Variants in STEAP4 observed in about 807,000 individuals in gnomAD.
STEAP4 encodes the protein metalloreductase STEAP4.
In STEAP4, 36 loss-of-function variants were observed where a neutral mutation model predicts 43.6. That is an observed-to-expected ratio of 0.83 (90% CI 0.63 to 1.09). The LOEUF (loss-of-function observed/expected upper bound fraction) is 1.09. Ranked by LOEUF, STEAP4 falls within the 50% of genes least tolerant of loss-of-function variation. The pLI, the probability that STEAP4 is intolerant of heterozygous loss-of-function variation, is 0.00. For synonymous variants in STEAP4, 191 were observed against 196.7 expected, an observed-to-expected ratio of 0.97 and a Z score of 0.24; for missense variants, 495 against 546.5, an observed-to-expected ratio of 0.91 and a Z score of 0.94.
chr7:88,271,410 T>C lies in STEAP4; in HGVS notation c.*7988A>G, dbSNP rs1024751652. The C allele has an allele frequency of 6.6e-6, 1 of 152,222 alleles. No homozygotes were observed. The allele number at this position is 152,222 out of a possible 1,614,324, so 9.4% of individuals were successfully genotyped here. A position where few individuals can be genotyped will look rare whatever the true frequency, so the allele number is the denominator to read the frequency against. On this transcript the variant is annotated 3_prime_UTR_variant, in exon 5 of 5. Transcript: ENST00000380079. The stretch of plus-strand genomic sequence containing the variant: ...CACATATGCAAAAGGAATCATACTA[T>C]ATATGTTATTTTGTACCTTTTTAAA...
rs1454322119 is a variant in STEAP4, at chr7:88,282,625, A to G, written c.984+16T>C. 3.1e-6 allele frequency: 5 copies of G among 1,601,738 alleles called. No individual in the cohort carries two copies. The Admixed American group carries it at 6.8e-5, about 22-fold the overall frequency. On this transcript the variant is annotated intron_variant, in intron 3 of 4. Coordinates refer to ENST00000380079, the MANE Select transcript of STEAP4 (RefSeq NM_024636.4). ...TGATTTCAGGAGCAGAAGAAAATAT[A>G]TAAGAAGAGATTTACCTGGGTAACG...
At chr7:88,280,171 G>A (rs1250392492) in intron 4 of STEAP4, among the ~76,000 whole-genome samples, 1 of 152,268 alleles carries the variant, frequency 6.6e-6, no homozygotes, top group Non-Finnish European at 1.5e-5. Flanking sequence ...GACTGCATTT[G>A]GTCCCTGGGA....
At chr7:88,303,484 A>G (rs993268855) in intron 1 of STEAP4, among the ~76,000 whole-genome samples, 2 of 144,642 alleles carry the variant, frequency 1.4e-5, no homozygotes, top group Non-Finnish European at 3.0e-5. Flanking sequence ...TGACAGAGCG[A>G]GACTCAGTCT....
At chr7:88,298,139 G>A (rs1417018109) in intron 1 of STEAP4, 1 of 151,890 alleles carries the variant, frequency 6.6e-6, no homozygotes, top group African/African-American at 2.4e-5. Context: ...ACATAAGTTG[G>A]GGACAATCTG....
chr7:88,279,874 T>G (rs1054540442), intron 4 of STEAP4, among the ~76,000 whole-genome samples: 1 of 152,176 alleles, frequency 6.6e-6, no homozygotes, highest in Non-Finnish European at 1.5e-5. Flanking sequence ...GATGGAAAAG[T>G]TTCCCAGGAG....
intron 1 of STEAP4, among the ~76,000 whole-genome samples, chr7:88,287,335 T>C (rs1852753720): frequency 6.6e-6 from 1 of 152,132 alleles, no homozygotes; most frequent in East Asian, 1.9e-4. Flanking sequence ...AGAGGTGGGC[T>C]ACAGAGCAGG....
intron 1 of STEAP4, among the ~76,000 whole-genome samples, chr7:88,306,166 GCCTCAGTACACCAATCTTTT>G (rs922699129): frequency 2.0e-5 from 3 of 152,180 alleles, no homozygotes; most frequent in African/African-American, 7.2e-5. Context: ...ACCGTACCCA[GCCTCAGTACACCAATCTTTT>G]AAAGAAAGTT....
rs1316106382 is a variant in STEAP4 at position 88,279,562 on chromosome 7, A to T, written c.1216T>A (p.Phe406Ile). Residue 406 changes from phenylalanine to isoleucine, a missense_variant, in exon 5 of 5, where the codon TTC (phenylalanine) becomes ATC (isoleucine). Phe to Ile is a conservative substitution (Grantham distance 21). Transcript: ENST00000380079. ...CATCTGAGATTTGAAGGGCTGAGGA[A>T]TCTCTTCCCACCGTACACCAGGGTG... ...AHTLVYGGKR[F>I]LSPSNLRWYL... The T allele has an allele frequency of 2.5e-6, 4 of 1,613,966 alleles. No individual in the cohort carries two copies. In the South Asian group the frequency reaches 3.3e-5, roughly 13 times the overall value.
At chr7:88,288,945 A>G (rs1362713685) in intron 1 of STEAP4, among the ~76,000 whole-genome samples, 1 of 152,228 alleles carries the variant, frequency 6.6e-6, no homozygotes, top group Admixed American at 6.5e-5. Flanking sequence ...GTTGTTTTTT[A>G]TACTTTTGAA....
rs564716566 is a variant in STEAP4, at chr7:88,292,859, C to T, written c.-2-8588G>A. 10 of 152,244 alleles carry T rather than the reference C, an allele frequency of 6.6e-5. No individual in the cohort carries two copies. In the South Asian group the frequency reaches 2.1e-3, roughly 32 times the overall value. The allele number at this position is 152,244 out of a possible 1,614,324, so 9.4% of individuals were successfully genotyped here. ...TACTTAAGATCCATCAATAATTCTT[C>T]CATTTTATTGCCGAGCGGTATTCTA... On this transcript the variant is annotated intron_variant, in intron 1 of 4. Coordinates refer to ENST00000380079, the MANE Select transcript of STEAP4 (RefSeq NM_024636.4).
In STEAP4 at chr7:88,291,535, C is replaced by A. The variant is rs549750607; in HGVS notation, c.-2-7264G>T. Among the ~76,000 whole-genome samples, 3 of 146,988 alleles carry A rather than the reference C, an allele frequency of 2.0e-5. No homozygotes were observed. In the South Asian group the frequency reaches 6.4e-4, roughly 32 times the overall value. On this transcript the variant is annotated intron_variant, in intron 1 of 4. Coordinates refer to ENST00000380079, the MANE Select transcript of STEAP4 (RefSeq NM_024636.4). Reference sequence around the variant, plus strand: ...AAAGAAATAGATATATGCACACTCTCAACCACAAGGGAGATCAAGTTGAGG... The same window carrying A: ...AAAGAAATAGATATATGCACACTCTAAACCACAAGGGAGATCAAGTTGAGG...
At chr7:88,286,873 GAGT>G (rs1211176245) in intron 1 of STEAP4, among the ~76,000 whole-genome samples, 1 of 151,478 alleles carries the variant, frequency 6.6e-6, no homozygotes, top group African/African-American at 2.4e-5. Context: ...CTCAAACCAA[GAGT>G]AGTCCTCCAA....
chr7:88,283,895 C>T lies in STEAP4; in HGVS notation c.375G>A (p.Val125=), dbSNP rs1233849436. ...ESNAEYLAHL[V]PGAHVVKAFN... ...ATGCTTTTACCACGTGGGCTCCTGG[C>T]ACCAAATGAGCAAGGTACTCTGCAT... The change falls in exon 2 of 5, where the codon GTG becomes GTA. Residue 125 remains valine, a synonymous_variant. Coordinates refer to ENST00000380079, the MANE Select transcript of STEAP4 (RefSeq NM_024636.4). 1 of 1,614,022 alleles carries T rather than the reference C, an allele frequency of 6.2e-7. No individual in the cohort carries two copies. The highest frequency in any genetic ancestry group is 8.5e-7 in the Non-Finnish European group (1 of 1,180,040).
chr7:88,280,240 C>A (rs1382408029), intron 4 of STEAP4, among the ~76,000 whole-genome samples: 1 of 152,310 alleles, frequency 6.6e-6, no homozygotes, highest in East Asian at 1.9e-4. Context: ...ATTTTAAAGA[C>A]TAATGCTCTT....
At position 88,272,728 on chromosome 7, in the gene STEAP4, C is replaced by T. The variant is rs1293095753; in HGVS notation, c.*6670G>A. The T allele has an allele frequency of 6.6e-6, 1 of 152,112 alleles. No individual in the cohort carries two copies. The highest frequency in any genetic ancestry group is 1.5e-5 in the Non-Finnish European group (1 of 68,048). 9.4% of individuals were successfully genotyped at this position (152,112 alleles called of 1,614,324 possible). A position where few individuals can be genotyped will look rare whatever the true frequency, so the allele number is the denominator to read the frequency against. The stretch of plus-strand genomic sequence containing the variant: ...AAAAAATGAAACAAAAATTACTGGC[C>T]CCCATCTCTGATAGTTGGTGAGGCA... On this transcript the variant is annotated 3_prime_UTR_variant, in exon 5 of 5. Transcript: ENST00000380079.
rs1852538629 is a variant in STEAP4 at position 88,277,815 on chromosome 7, G to A, written c.*1583C>T. On this transcript the variant is annotated 3_prime_UTR_variant, in exon 5 of 5. Coordinates refer to ENST00000380079, the MANE Select transcript of STEAP4 (RefSeq NM_024636.4). ...GAGGAGGTTGCAGTGAGCTGAGATC[G>A]TGCCACTGCACTCCAGCCTGAGCGA... 1 of 152,024 alleles carries A rather than the reference G, an allele frequency of 6.6e-6. No homozygotes were observed. The highest frequency in any genetic ancestry group is 2.4e-5 in the African/African-American group (1 of 41,388). The allele number at this position is 152,024 out of a possible 1,614,324, so 9.4% of individuals were successfully genotyped here.
At position 88,284,035 on chromosome 7, in the gene STEAP4, T is replaced by C. The variant is rs770960970; in HGVS notation, c.235A>G (p.Ile79Val). 26 of 1,614,048 alleles carry C rather than the reference T, an allele frequency of 1.6e-5. 2 individuals are homozygous for C. The South Asian group carries it at 2.7e-4, about 17-fold the overall frequency. The change falls in exon 2 of 5, where the codon ATA becomes GTA. Residue 79 changes from isoleucine to valine, a missense_variant. Transcript: ENST00000380079. ...EAAKKSGIII[I>V]AIHREHYDFL... ...TCATAATGCTCTCTGTGGATTGCTA[T>C]GATTATGATGCCAGACTTCTTGGCT...
intron 2 of STEAP4, 111 bp from the exon 3 acceptor site, chr7:88,283,279 C>A: frequency 2.7e-6 from 3 of 1,126,252 alleles, no homozygotes; most frequent in Non-Finnish European, 3.6e-6. Flanking sequence ...AACAGTGAAC[C>A]GATTTTAAAA....
intron 4 of STEAP4, 91 bp from the exon 5 acceptor site, chr7:88,279,719 C>A: frequency 1.8e-6 from 2 of 1,103,796 alleles, no homozygotes; most frequent in Non-Finnish European, 2.6e-6. Flanking sequence ...TGTCAACAAC[C>A]ACAAACATTT....
Sources: gnomAD v4.1 joint callset for allele counts (sites outside exome capture counted in the v4.1 genomes callset) on GRCh38, gnomAD v4.1.1 for gene constraint, MANE v1.5 for transcripts, NCBI Gene and HGNC (gene_info 2026-07-23, HGNC 2026-07-21) for gene names.